The following NTM variants were observed in gnomAD, a reference collection of about 807,000 sequenced individuals.
NTM encodes IgLON family member 2.
A neutral mutation model predicts 42.1 loss-of-function variants in NTM; 13 were observed. The observed-to-expected ratio is 0.31, with a 90% CI of 0.20 to 0.49. NTM has a LOEUF of 0.49. NTM is among the 20% of genes least tolerant of loss of function. NTM has a pLI of 0.99. For synonymous variants in NTM, 187 were observed against 179.2 expected (o/e 1.04, Z -0.35); for missense variants, 373 against 452.8 (o/e 0.82, Z 1.60).
At chr11:131,979,591 C>T (rs2064938393) in intron 2 of NTM, among the ~76,000 whole-genome samples, 1 of 152,168 alleles carries the variant, frequency 6.6e-6, no homozygotes, top group Non-Finnish European at 1.5e-5. Flanking sequence ...ATCTGCCAGT[C>T]TCTTAGTGGC....
chr11:132,287,286 CTG>C (rs2094281021), intron 4 of NTM, among the ~76,000 whole-genome samples: 1 of 152,204 alleles, frequency 6.6e-6, no homozygotes, highest in Non-Finnish European at 1.5e-5. Context: ...GTGGAGTATG[CTG>C]TGTTTTCCAA....
At chr11:132,190,734 C>CT (rs1249158338) in intron 3 of NTM, among the ~76,000 whole-genome samples, 6 of 100,660 alleles carry the variant, frequency 6.0e-5, no homozygotes, top group Admixed American at 4.0e-4. Context: ...GAGAATCCAT[C>CT]TTAAAAAAAA....
intron 1 of NTM, chr11:131,796,332 C>T (rs778364217): frequency 3.6e-5 from 8 of 220,952 alleles, no homozygotes; most frequent in South Asian, 3.3e-4. Flanking sequence ...AGGAGGGTCA[C>T]GCGGAGCTGG....
At chr11:132,024,306 G>A (rs952552103) in intron 2 of NTM, among the ~76,000 whole-genome samples, 5 of 152,136 alleles carry the variant, frequency 3.3e-5, no homozygotes, top group African/African-American at 4.8e-5. Context: ...AAAGGCTTGT[G>A]CAGTTGTCCT....
chr11:131,589,036 T>A (rs770664891), intron 1 of NTM, among the ~76,000 whole-genome samples: 1 of 152,036 alleles, frequency 6.6e-6, no homozygotes, highest in Non-Finnish European at 1.5e-5. Flanking sequence ...AGGGGAGAGG[T>A]TGGTCTTCGT....
At chr11:131,948,862 T>C (rs1233965185) in intron 2 of NTM, among the ~76,000 whole-genome samples, 3 of 152,224 alleles carry the variant, frequency 2.0e-5, no homozygotes, top group African/African-American at 7.2e-5. Flanking sequence ...AGATCTGCCT[T>C]CTTAAAACAT....
At chr11:132,185,678 A>G (rs2078280229) in intron 3 of NTM, among the ~76,000 whole-genome samples, 1 of 152,138 alleles carries the variant, frequency 6.6e-6, no homozygotes, top group African/African-American at 2.4e-5. Flanking sequence ...TGGTCATTTC[A>G]TAATAATTTT....
chr11:132,195,470 CAAA>C (rs371423167), intron 3 of NTM, among the ~76,000 whole-genome samples: 1 of 133,874 alleles, frequency 7.5e-6, no homozygotes, highest in African/African-American at 2.7e-5. Context: ...TATATAGAAC[CAAA>C]AAAAAAAAAG....
At chr11:131,851,805 T>C (rs933141538) in intron 1 of NTM, among the ~76,000 whole-genome samples, 1 of 152,016 alleles carries the variant, frequency 6.6e-6, no homozygotes, top group African/African-American at 2.4e-5. Context: ...GCATGGCCCA[T>C]AGATTATCTA....
chr11:131,967,298 T>G (rs2134618473), intron 2 of NTM, among the ~76,000 whole-genome samples: 1 of 152,160 alleles, frequency 6.6e-6, no homozygotes, highest in Non-Finnish European at 1.5e-5. Flanking sequence ...GCATCGTGGG[T>G]GGTCTCAAAT....
intron 1 of NTM, among the ~76,000 whole-genome samples, chr11:131,840,171 G>A (rs1235457689): frequency 1.3e-5 from 2 of 152,166 alleles, no homozygotes; most frequent in Non-Finnish European, 2.9e-5. Flanking sequence ...TTGGGAAGTT[G>A]TGATACGGAT....
At chr11:131,447,683 G>A (rs1355087770) in intron 1 of NTM, among the ~76,000 whole-genome samples, 5 of 152,068 alleles carry the variant, frequency 3.3e-5, no homozygotes, top group East Asian at 3.9e-4. Flanking sequence ...TAATTTCCCC[G>A]TCTGCTCTTC....
chr11:132,306,614 A>AT (rs1284920135), intron 4 of NTM: 1 of 152,162 alleles, frequency 6.6e-6, no homozygotes, highest in East Asian at 1.9e-4. Flanking sequence ...TATGTTTGGG[A>AT]AAATGCTTCT....
chr11:131,656,708 C>A (rs575481665), intron 1 of NTM, among the ~76,000 whole-genome samples: 1 of 152,136 alleles, frequency 6.6e-6, no homozygotes, highest in Admixed American at 6.5e-5. Flanking sequence ...CTCGTTCTGC[C>A]CCTGCGCGCT....
intron 2 of NTM, among the ~76,000 whole-genome samples, chr11:131,917,745 C>T (rs1017147975): frequency 6.6e-6 from 1 of 152,282 alleles, no homozygotes; most frequent in East Asian, 1.9e-4. Flanking sequence ...CCTGCCCCCT[C>T]TCAGGACCCG....
At chr11:131,844,476 A>T (rs1384428507) in intron 1 of NTM, among the ~76,000 whole-genome samples, 1 of 152,130 alleles carries the variant, frequency 6.6e-6, no homozygotes, top group Non-Finnish European at 1.5e-5. Flanking sequence ...CATCGCTCTA[A>T]AATTAACTTC....
intron 4 of NTM, among the ~76,000 whole-genome samples, chr11:132,212,967 A>G (rs1015054724): frequency 1.3e-5 from 2 of 152,014 alleles, no homozygotes; most frequent in African/African-American, 4.8e-5. Flanking sequence ...ACAAAAAAAA[A>G]AAGAGTATGC....
Position 132,097,121 on chromosome 11 carries a change from G to A in NTM, c.168-49161G>A, listed in dbSNP as rs192982313. 4.3e-4 allele frequency among the ~76,000 whole-genome samples: 65 copies of A among 152,286 alleles called. 1 individual carries two copies. Among genetic ancestry groups the A allele is most frequent in the Admixed American group, 4.2e-3 (65 of 15,304 alleles). On this transcript the variant is annotated intron_variant, in intron 2 of 8. Coordinates refer to ENST00000683400, the MANE Select transcript of NTM (RefSeq NM_001352005.2). ...TGTAAGACCAATGTTCCTGTAAATG[G>A]AATTCCTGAGAATTTAGGTTACAGA...
intron 1 of NTM, among the ~76,000 whole-genome samples, chr11:131,550,355 G>A (rs931594969): frequency 3.9e-5 from 6 of 152,244 alleles, no homozygotes; most frequent in African/African-American, 4.8e-5. Context: ...AGACTGTGTC[G>A]CTGCCCAAAT....
Sources: gnomAD v4.1 joint callset for allele counts (sites outside exome capture counted in the v4.1 genomes callset) on GRCh38, gnomAD v4.1.1 for gene constraint, MANE v1.5 for transcripts, NCBI Gene and HGNC (gene_info 2026-07-23, HGNC 2026-07-21) for gene names.